The following MYRFL variants were observed in gnomAD, a reference collection of about 807,000 sequenced individuals.
MYRFL encodes myelin regulatory factor like, also known as myelin regulatory factor-like protein.
In MYRFL, 88 loss-of-function variants were observed where a neutral mutation model predicts 109.4. The ratio of observed to expected loss-of-function variants is 0.80; its 90% CI spans 0.68 to 0.96. The LOEUF (loss-of-function observed/expected upper bound fraction) is 0.96. MYRFL is among the 40% of genes least tolerant of loss of function. MYRFL has a pLI of 0.00. For synonymous variants in MYRFL, 324 were observed against 320.9 expected (o/e 1.01, Z -0.10); for missense variants, 957 against 954.9 (o/e 1.00, Z -0.03).
intron 1 of MYRFL, among the ~76,000 whole-genome samples, chr12:69,835,641 T>C (rs770175348): frequency 1.2e-4 from 19 of 152,226 alleles, no homozygotes; most frequent in Non-Finnish European, 1.5e-4. Flanking sequence ...TGATCCTCTT[T>C]TTTTCTTCCA....
chr12:69,931,926 C>T (rs1371858867), intron 15 of MYRFL, among the ~76,000 whole-genome samples: 1 of 152,126 alleles, frequency 6.6e-6, no homozygotes, highest in Non-Finnish European at 1.5e-5. Flanking sequence ...CATAATACTG[C>T]TCAATAAATA....
chr12:69,897,054 C>A, intron 9 of MYRFL, 102 bp from the exon 10 acceptor site: 1 of 796,084 alleles, frequency 1.3e-6, no homozygotes, highest in Non-Finnish European at 2.1e-6. Flanking sequence ...GCAAACTCTT[C>A]TCGATAAGTT....
chr12:69,847,390 T>G (rs1486629912), intron 1 of MYRFL, among the ~76,000 whole-genome samples: 3 of 152,196 alleles, frequency 2.0e-5, no homozygotes, highest in African/African-American at 7.2e-5. Flanking sequence ...AAATATTGTT[T>G]TTTTCAAAGA....
chr12:69,901,830 A>G (rs1954194196), intron 10 of MYRFL, among the ~76,000 whole-genome samples: 1 of 150,634 alleles, frequency 6.6e-6, no homozygotes, highest in South Asian at 2.1e-4. Flanking sequence ...TTTACTTTAT[A>G]CTCTTCCCCC....
chr12:69,851,995 C>T (rs1469236730), intron 1 of MYRFL, among the ~76,000 whole-genome samples: 1 of 152,196 alleles, frequency 6.6e-6, no homozygotes, highest in Non-Finnish European at 1.5e-5. Flanking sequence ...CGCTCTAGTC[C>T]TCTGCCTTAG....
At chr12:69,898,911 T>A (rs1954091013) in intron 10 of MYRFL, among the ~76,000 whole-genome samples, 1 of 151,870 alleles carries the variant, frequency 6.6e-6, no homozygotes, top group Non-Finnish European at 1.5e-5. Context: ...AACTCTCTGT[T>A]AATTGGCACC....
At chr12:69,924,997 T>A (rs1426371245) in intron 13 of MYRFL, among the ~76,000 whole-genome samples, 1 of 152,184 alleles carries the variant, frequency 6.6e-6, no homozygotes, top group African/African-American at 2.4e-5. Context: ...TAAATCAACA[T>A]AATTCTGCCT....
At chr12:69,918,857 C>A (rs1010906371) in intron 13 of MYRFL, among the ~76,000 whole-genome samples, 2 of 152,074 alleles carry the variant, frequency 1.3e-5, no homozygotes, top group Admixed American at 1.3e-4. Flanking sequence ...TTTCCTGGTA[C>A]TTTCAAAAAT....
chr12:69,893,989 A>ATTT (rs60637559), intron 8 of MYRFL, 149 bp downstream of exon 8: 12,716 of 112,502 alleles, frequency 0.11, 744 homozygotes, highest in South Asian at 0.16. Context: ...AATAATGTTA[A>ATTT]TTTTTTTTTT....
rs71098067 is a variant in MYRFL at position 69,936,078 on chromosome 12, G to GTT, written c.1917-7_1917-6dup. On this transcript the variant is annotated intron_variant, in intron 16 of 24. Transcript: ENST00000552032. ...TCTGGAAACAAATCTGCCACATAATGTTTTTTTTTTTTTTTTTTTTTTTTT... is the reference window on the plus strand; with the variant it reads ...TCTGGAAACAAATCTGCCACATAATGTTTTTTTTTTTTTTTTTTTTTTTTTTT... 2,185 of 893,730 alleles carry GTT rather than the reference G, an allele frequency of 2.4e-3. 205 individuals carry two copies. Among genetic ancestry groups the GTT allele is most frequent in the East Asian group, 0.01 (170 of 16,590 alleles). 55.4% of individuals were successfully genotyped at this position (893,730 alleles called of 1,614,324 possible).
chr12:69,929,238 G>A (rs187644174), intron 15 of MYRFL, among the ~76,000 whole-genome samples: 30 of 152,272 alleles, frequency 2.0e-4, no homozygotes, highest in Admixed American at 5.2e-4. Flanking sequence ...ACTCATATAG[G>A]GCTTAAAGAG....
chr12:69,852,611 A>G (rs1248594493), intron 1 of MYRFL, among the ~76,000 whole-genome samples: 19 of 47,514 alleles, frequency 4.0e-4, no homozygotes, highest in Admixed American at 7.3e-4. Context: ...GTATTTATTG[A>G]TCATTCTTGG....
At chr12:69,917,246 A>T (rs1954762647) in intron 13 of MYRFL, among the ~76,000 whole-genome samples, 1 of 152,114 alleles carries the variant, frequency 6.6e-6, no homozygotes, top group South Asian at 2.1e-4. Context: ...TCTAATTTTA[A>T]AAAGGGGCCT....
intron 1 of MYRFL, among the ~76,000 whole-genome samples, chr12:69,844,624 T>C (rs543842999): frequency 2.0e-5 from 3 of 152,272 alleles, no homozygotes; most frequent in Non-Finnish European, 2.9e-5. Flanking sequence ...GTAGCCTGGG[T>C]TGGCTTCCCT....
At chr12:69,908,332 A>G (rs1441572429) in intron 11 of MYRFL, among the ~76,000 whole-genome samples, 6 of 152,226 alleles carry the variant, frequency 3.9e-5, no homozygotes, top group African/African-American at 9.6e-5. Context: ...GACTCATGCT[A>G]TGAAGGAGAA....
At chr12:69,828,070 A>G (rs1254401877) in intron 1 of MYRFL, among the ~76,000 whole-genome samples, 1 of 152,082 alleles carries the variant, frequency 6.6e-6, no homozygotes, top group African/African-American at 2.4e-5. Context: ...ATTCAGCAAA[A>G]TGCTTCTGTT....
intron 13 of MYRFL, among the ~76,000 whole-genome samples, chr12:69,919,331 A>T (rs1954836181): frequency 6.6e-6 from 1 of 152,202 alleles, no homozygotes; most frequent in South Asian, 2.1e-4. Flanking sequence ...AGCCCTTTCC[A>T]CAGAAAATTG....
intron 1 of MYRFL, among the ~76,000 whole-genome samples, chr12:69,852,874 G>A (rs1437671518): frequency 6.6e-6 from 1 of 152,116 alleles, no homozygotes; most frequent in Admixed American, 6.5e-5. Context: ...AGTTGACACA[G>A]CACATGTTTC....
At chr12:69,891,269 C>T in intron 7 of MYRFL, 103 bp downstream of exon 7, 5 of 887,040 alleles carry the variant, frequency 5.6e-6, no homozygotes, top group Non-Finnish European at 7.9e-6. Flanking sequence ...AAAATAATAA[C>T]AGTCCTTTAT....
Sources: gnomAD v4.1 joint callset for allele counts (sites outside exome capture counted in the v4.1 genomes callset) on GRCh38, gnomAD v4.1.1 for gene constraint, MANE v1.5 for transcripts, NCBI Gene and HGNC (gene_info 2026-07-23, HGNC 2026-07-21) for gene names.